The following MINDY2 variants were observed in gnomAD, a reference collection of about 807,000 sequenced individuals.
MINDY2 encodes ubiquitin carboxyl-terminal hydrolase MINDY-2.
A neutral mutation model predicts 68.2 loss-of-function variants in MINDY2; 52 were observed. The observed-to-expected ratio is 0.76, with a 90% CI of 0.61 to 0.96. The LOEUF (loss-of-function observed/expected upper bound fraction) is 0.96, where lower values mean the gene tolerates loss of function less well. MINDY2 is among the 40% of genes least tolerant of loss of function. The pLI, the probability that MINDY2 is intolerant of heterozygous loss-of-function variation, is 0.00. For synonymous variants in MINDY2, 372 were observed against 303.0 expected (o/e 1.23, Z -2.36); for missense variants, 881 against 773.4 (o/e 1.14, Z -1.65).
chr15:58,821,862 A>T, intron 5 of MINDY2, 43 bp downstream of exon 5: 4 of 1,362,418 alleles, frequency 2.9e-6, no homozygotes, highest in Non-Finnish European at 4.0e-6. Context: ...AATTCTTGGC[A>T]AGATAATTTT....
intron 2 of MINDY2, among the ~76,000 whole-genome samples, chr15:58,789,549 C>T (rs1363312477): frequency 6.6e-6 from 1 of 151,948 alleles, no homozygotes; most frequent in African/African-American, 2.4e-5. Flanking sequence ...CTCGACCTCC[C>T]TAGGCTCAGG....
intron 5 of MINDY2, among the ~76,000 whole-genome samples, chr15:58,824,264 T>C (rs574106289): frequency 2.6e-5 from 4 of 152,310 alleles, no homozygotes; most frequent in South Asian, 2.1e-4. Flanking sequence ...TTCTCTGACA[T>C]TGATTCCTCA....
chr15:58,803,297 T>A (rs1395446329), intron 3 of MINDY2, among the ~76,000 whole-genome samples: 26 of 146,012 alleles, frequency 1.8e-4, no homozygotes, highest in African/African-American at 6.3e-4. Flanking sequence ...AAACCCCATT[T>A]CTACTAAAAA....
intron 5 of MINDY2, among the ~76,000 whole-genome samples, chr15:58,828,421 C>T (rs1215353902): frequency 6.6e-6 from 1 of 151,864 alleles, no homozygotes; most frequent in Non-Finnish European, 1.5e-5. Flanking sequence ...AATCAAGTTT[C>T]CTTCCTTCCT....
At chr15:58,788,654 A>ATATTCT (rs1901667408) in intron 2 of MINDY2, among the ~76,000 whole-genome samples, 1 of 152,226 alleles carries the variant, frequency 6.6e-6, no homozygotes, top group African/African-American at 2.4e-5. Context: ...AAGAATTTAT[A>ATATTCT]TATTTATACT....
At chr15:58,780,654 T>G (rs1326033147) in intron 1 of MINDY2, among the ~76,000 whole-genome samples, 1 of 152,220 alleles carries the variant, frequency 6.6e-6, no homozygotes, top group African/African-American at 2.4e-5. Context: ...TGGTACCAGT[T>G]GGTCTTTATA....
chr15:58,806,264 G>A (rs1349259206), intron 3 of MINDY2, among the ~76,000 whole-genome samples: 1 of 151,716 alleles, frequency 6.6e-6, no homozygotes, highest in East Asian at 1.9e-4. Context: ...AGTAGAGATG[G>A]CATTTCACCA....
At chr15:58,847,026 A>T (rs745868892) in intron 6 of MINDY2, among the ~76,000 whole-genome samples, 1 of 152,166 alleles carries the variant, frequency 6.6e-6, no homozygotes, top group South Asian at 2.1e-4. Context: ...AAACCCCCCC[A>T]AAGGTGTTTA....
intron 2 of MINDY2, among the ~76,000 whole-genome samples, chr15:58,801,116 G>A (rs750717594): frequency 6.6e-5 from 10 of 151,964 alleles, no homozygotes; most frequent in Non-Finnish European, 1.3e-4. Flanking sequence ...TGGGACTACA[G>A]GTGCATGCCA....
Position 58,847,414 on chromosome 15 carries a change from C to T in MINDY2, c.1486C>T (p.Arg496Ter), listed in dbSNP as rs1484720505. ...TTTCTGTGACTCAGAATTTCATCTT[C>T]GACCTCCTTCAGATCCTGAAACTGT... is the stretch of plus-strand genomic sequence containing the variant. ...GNFCDSEFHL[R>*]PPSDPETVYK... The change falls in exon 7 of 9, where the codon CGA (arginine) becomes TGA (stop). Residue 496 changes from arginine to a stop codon, truncating the protein, a stop_gained. Coordinates refer to ENST00000559228, the MANE Select transcript of MINDY2 (RefSeq NM_001040450.3). LOFTEE classifies it high-confidence loss of function. 3.1e-6 allele frequency: 5 copies of T among 1,605,746 alleles called. No individual in the cohort carries two copies. The highest frequency in any genetic ancestry group is 1.1e-5 in the South Asian group (1 of 90,078).
chr15:58,791,913 A>G (rs2140930202), intron 2 of MINDY2, among the ~76,000 whole-genome samples: 1 of 152,142 alleles, frequency 6.6e-6, no homozygotes, highest in Admixed American at 6.6e-5. Context: ...GAAGGTGGGG[A>G]AGGAGAAAGA....
At position 58,853,861 on chromosome 15, in the gene MINDY2, T is replaced by C. The variant is rs916490270; in HGVS notation, c.1738-621T>C. ...AAAAAAAGTCTGTTTATTATGGAAT[T>C]TAATGAGGTTTTGAAGAACTATTAT... On this transcript the variant is annotated intron_variant, in intron 8 of 8. Coordinates refer to ENST00000559228, the MANE Select transcript of MINDY2 (RefSeq NM_001040450.3). 3.0e-4 allele frequency among the ~76,000 whole-genome samples: 45 copies of C among 150,844 alleles called. 1 individual carries two copies. The highest frequency in any genetic ancestry group is 3.7e-4 in the Non-Finnish European group (25 of 67,756).
intron 2 of MINDY2, among the ~76,000 whole-genome samples, chr15:58,791,622 A>ATATGTG (rs1555428848): frequency 2.2e-5 from 3 of 136,670 alleles, no homozygotes; most frequent in Non-Finnish European, 3.1e-5. Context: ...GTCTCAAAAT[A>ATATGTG]TGTGTGTGTG....
At chr15:58,804,711 G>C (rs141918761) in intron 3 of MINDY2, among the ~76,000 whole-genome samples, 1,555 of 152,154 alleles carry the variant, frequency 0.01, 26 homozygotes, top group African/African-American at 0.036. Context: ...GGAGGCTGAG[G>C]TCAGAGGATC....
intron 3 of MINDY2, among the ~76,000 whole-genome samples, chr15:58,803,988 C>T (rs1283335606): frequency 1.4e-5 from 2 of 145,596 alleles, no homozygotes; most frequent in African/African-American, 5.1e-5. Flanking sequence ...ATTAGCCAGG[C>T]GTGGTGGCAG....
At position 58,851,913 on chromosome 15, in the gene MINDY2, A is replaced by G; in HGVS notation, c.1685A>G (p.Gln562Arg). The change falls in exon 8 of 9, where the codon CAG becomes CGG. Residue 562 changes from glutamine to arginine, a missense_variant. By Grantham distance (43) the Gln-to-Arg change is conservative. Coordinates refer to ENST00000559228, the MANE Select transcript of MINDY2 (RefSeq NM_001040450.3). ...EEDRRASQYY[Q>R]EQEQAAAAAA... is the part of the protein sequence containing the mutation. ...GACAGACGGGCTTCTCAATACTATC[A>G]GGAACAGGAACAAGCAGCAGCTGCT... The G allele has an allele frequency of 2.5e-6, 4 of 1,604,270 alleles. No individual in the cohort carries two copies. Among genetic ancestry groups the G allele is most frequent in the Non-Finnish European group, 2.5e-6 (3 of 1,177,776 alleles).
At chr15:58,849,257 C>T (rs1220377380) in intron 7 of MINDY2, among the ~76,000 whole-genome samples, 1 of 150,022 alleles carries the variant, frequency 6.7e-6, no homozygotes, top group Non-Finnish European at 1.5e-5. Context: ...AGTCGCAGCA[C>T]TTTGGGAGGC....
intron 5 of MINDY2, among the ~76,000 whole-genome samples, chr15:58,826,594 G>A (rs1331591644): frequency 6.6e-6 from 1 of 152,036 alleles, no homozygotes. Flanking sequence ...ACCTGTAAAT[G>A]CTTCATCATT....
chr15:58,859,325 C>T lies in MINDY2; in HGVS notation c.*4715C>T, dbSNP rs940402003. 4.6e-5 allele frequency: 7 copies of T among 152,022 alleles called. No individual in the cohort carries two copies. The highest frequency in any genetic ancestry group is 1.7e-4 in the African/African-American group (7 of 41,402). 9.4% of individuals were successfully genotyped at this position (152,022 alleles called of 1,614,324 possible). A position where few individuals can be genotyped will look rare whatever the true frequency, so the allele number is the denominator to read the frequency against. On this transcript the variant is annotated 3_prime_UTR_variant, in exon 9 of 9. Transcript: ENST00000559228. Reference sequence around the variant, plus strand: ...ATACGGTGGTATCAAATTACTAATACAGTATATAAACTTCGTTTGCATTGG... The same window carrying T: ...ATACGGTGGTATCAAATTACTAATATAGTATATAAACTTCGTTTGCATTGG...
Sources: gnomAD v4.1 joint callset for allele counts (sites outside exome capture counted in the v4.1 genomes callset) on GRCh38, gnomAD v4.1.1 for gene constraint, MANE v1.5 for transcripts, NCBI Gene and HGNC (gene_info 2026-07-23, HGNC 2026-07-21) for gene names.